The following LONRF1 variants were observed in gnomAD, a reference collection of about 807,000 sequenced individuals.
LONRF1 encodes LON peptidase N-terminal domain and RING finger protein 1.
In LONRF1, 37 loss-of-function variants were observed where a neutral mutation model predicts 85.8. The observed-to-expected ratio is 0.43, with a 90% CI of 0.33 to 0.57. LONRF1 has a LOEUF of 0.57. Among genes scored for constraint, LONRF1 ranks in the 20% least tolerant of loss-of-function variants. The pLI is 0.04. For synonymous variants in LONRF1, 517 were observed against 390.1 expected (o/e 1.33, Z -3.83); for missense variants, 1,036 against 978.0 (o/e 1.06, Z -0.79).
chr8:12,740,749 C>G, intron 3 of LONRF1, 125 bp downstream of exon 3: 6 of 1,213,570 alleles, frequency 4.9e-6, no homozygotes, highest in Non-Finnish European at 6.8e-6. Context: ...CAAATTATCA[C>G]ATTTGTTCCT....
chr8:12,737,319 G>C (rs745577527), intron 4 of LONRF1, 179 bp from the exon 5 acceptor site: 1 of 777,412 alleles, frequency 1.3e-6, no homozygotes. Flanking sequence ...AGCACAGTTG[G>C]CCCTCCGTAT....
intron 1 of LONRF1, among the ~76,000 whole-genome samples, chr8:12,750,334 A>C (rs1799330259): frequency 6.6e-6 from 1 of 152,206 alleles, no homozygotes; most frequent in South Asian, 2.1e-4. Flanking sequence ...CCTTTACCCA[A>C]GGGGGATACG....
rs1255907976 is a variant in LONRF1 at position 12,754,923 on chromosome 8, G to A, written c.498C>T (p.Thr166=). 2.7e-6 allele frequency: 4 copies of A among 1,490,294 alleles called. No homozygotes were observed. The highest frequency in any genetic ancestry group is 1.5e-5 in the African/African-American group (1 of 68,426). 92.3% of individuals were successfully genotyped at this position (1,490,294 alleles called of 1,614,324 possible). Residue 166 remains threonine (T), a synonymous_variant, in exon 1 of 12, where the codon ACC becomes ACT. Transcript: ENST00000398246. Reference sequence around the variant, plus strand: ...TCCCTTCAGCATCAGTGGCACTGGCGGTGGCGGGCGGCAGCCGGTCCCGGC... The same window carrying A: ...TCCCTTCAGCATCAGTGGCACTGGCAGTGGCGGGCGGCAGCCGGTCCCGGC... ...RLCRDRLPPA[T]ASATDAEGTA...
Position 12,755,120 on chromosome 8 carries a change from G to A in LONRF1, c.301C>T (p.His101Tyr). 1 of 1,458,332 alleles carries A rather than the reference G, an allele frequency of 6.9e-7. No homozygotes were observed. Among genetic ancestry groups the A allele is most frequent in the Non-Finnish European group, 9.0e-7 (1 of 1,109,658 alleles). The allele number at this position is 1,458,332 out of a possible 1,614,324, so 90.3% of individuals were successfully genotyped here. ...DCLVFNYRLRHGLGWSAAPVA... is the reference protein window; with the variant it reads ...DCLVFNYRLRYGLGWSAAPVA... ...GGGGCCGCGCTCCAGCCCAGCCCGT[G>A]GCGGAGCCGGTAGTTGAACACCAGG... The change falls in exon 1 of 12, where the codon CAC becomes TAC. Residue 101 changes from histidine (H) to tyrosine (Y), a missense_variant. His to Tyr is a moderately conservative substitution (Grantham distance 83, BLOSUM62 2). Around this residue, in one of 3 missense-constraint regions of LONRF1, gnomAD observed 742 missense variants for 614.4 expected, o/e 1.21. Transcript: ENST00000398246.
At chr8:12,727,596 CAT>C (rs1325677075) in intron 10 of LONRF1, among the ~76,000 whole-genome samples, 25 of 152,052 alleles carry the variant, frequency 1.6e-4, no homozygotes, top group Admixed American at 1.6e-3. Context: ...AGTATTAATA[CAT>C]ATAGTCATGT....
At chr8:12,741,694 T>C (rs1438314508) in intron 2 of LONRF1, among the ~76,000 whole-genome samples, 1 of 152,154 alleles carries the variant, frequency 6.6e-6, no homozygotes, top group Non-Finnish European at 1.5e-5. Context: ...GTGAAAAAAA[T>C]TTTGTCTTAG....
At chr8:12,750,495 C>A (rs972798920) in intron 1 of LONRF1, among the ~76,000 whole-genome samples, 2 of 152,140 alleles carry the variant, frequency 1.3e-5, no homozygotes, top group Non-Finnish European at 2.9e-5. Context: ...TAACAATATG[C>A]TGTGATAAAA....
intron 8 of LONRF1, among the ~76,000 whole-genome samples, chr8:12,730,301 CTATT>C (rs1193071317): frequency 6.6e-6 from 1 of 152,150 alleles, no homozygotes; most frequent in Non-Finnish European, 1.5e-5. Context: ...TGTTTAAAGC[CTATT>C]TATACATACT....
chr8:12,734,140 C>T (rs926148266), intron 7 of LONRF1, among the ~76,000 whole-genome samples: 2 of 152,258 alleles, frequency 1.3e-5, no homozygotes, highest in African/African-American at 4.8e-5. Context: ...AGCATGTTTA[C>T]AGTACTTCAT....
intron 1 of LONRF1, among the ~76,000 whole-genome samples, chr8:12,752,005 G>A (rs1204158109): frequency 6.6e-6 from 1 of 152,166 alleles, no homozygotes; most frequent in Non-Finnish European, 1.5e-5. Context: ...TAATCTAAAT[G>A]GGAAACTTCT....
chr8:12,746,488 C>G (rs960971173), intron 1 of LONRF1, among the ~76,000 whole-genome samples: 2 of 152,314 alleles, frequency 1.3e-5, no homozygotes, highest in Non-Finnish European at 2.9e-5. Flanking sequence ...AGTCTCCTCC[C>G]AAGATGCTTT....
intron 1 of LONRF1, chr8:12,753,943 G>A (rs186783648): frequency 6.6e-6 from 1 of 152,366 alleles, no homozygotes; most frequent in Non-Finnish European, 1.5e-5. Context: ...AAGTACATAG[G>A]AAATAAGCAG....
chr8:12,732,929 G>C (rs1798582383), intron 7 of LONRF1, among the ~76,000 whole-genome samples: 1 of 152,226 alleles, frequency 6.6e-6, no homozygotes, highest in South Asian at 2.1e-4. Flanking sequence ...TCTGCAGTCA[G>C]TAAAAGCAAG....
rs767386108 is a variant in LONRF1, at chr8:12,736,902, CCTT to C, written c.1349_1351del (p.Gln450_Gly451delinsArg). 17 of 1,604,978 alleles carry C rather than the reference CCTT, an allele frequency of 1.1e-5. No homozygotes were observed. The highest frequency in any genetic ancestry group is 6.7e-5 in the African/African-American group (5 of 74,338). ...TAAGTGTAGAGCAAAATTTTTACCTCCTTGTTTTTTCAGCTTATTTCTTCCATC... is the reference window on the plus strand; with the variant it reads ...TAAGTGTAGAGCAAAATTTTTACCTCGTTTTTTCAGCTTATTTCTTCCATC... On this transcript the variant is annotated inframe_deletion, in exon 5 of 12. Transcript: ENST00000398246.
chr8:12,735,202 C>A (rs945442613), intron 7 of LONRF1, 84 bp downstream of exon 7: 1 of 833,878 alleles, frequency 1.2e-6, no homozygotes, highest in Admixed American at 2.2e-5. Flanking sequence ...TGAACGTGAT[C>A]ATCACTATTT....
chr8:12,736,027 G>C (rs371688981), intron 6 of LONRF1, among the ~76,000 whole-genome samples: 2 of 152,118 alleles, frequency 1.3e-5, no homozygotes, highest in Admixed American at 1.3e-4. Context: ...AATAGATTTA[G>C]AGGTACTTTA....
intron 7 of LONRF1, among the ~76,000 whole-genome samples, 183 bp downstream of exon 7, chr8:12,735,103 A>G (rs1798668745): frequency 2.0e-5 from 3 of 152,090 alleles, no homozygotes; most frequent in East Asian, 3.9e-4. Context: ...CTTTCTCCCC[A>G]TCCTCTTCAA....
rs779767965 is a variant in LONRF1, at chr8:12,731,793, G to A, written c.1631C>T (p.Pro544Leu). Residue 544 changes from proline (P) to leucine (L), a missense_variant, in exon 8 of 12, where the codon CCT becomes CTT. Physicochemically the swap from Pro to Leu is moderately conservative, Grantham distance 98 (BLOSUM62 -3). Transcript: ENST00000398246. ...LLEELIVKYL[P>L]DELSERKKIY... Reference sequence around the variant, plus strand: ...TTTTTTTCTCTCAGACAGTTCATCAGGCAGATACTTCACTATTAATTCTTC... The same window carrying A: ...TTTTTTTCTCTCAGACAGTTCATCAAGCAGATACTTCACTATTAATTCTTC... 6.2e-7 allele frequency: 1 copy of A among 1,612,442 alleles called. No individual in the cohort carries two copies. Among genetic ancestry groups the A allele is most frequent in the Admixed American group, 1.7e-5 (1 of 59,966 alleles).
chr8:12,755,524 G>A lies in LONRF1; in HGVS notation c.-104C>T, dbSNP rs1585271352. On this transcript the variant is annotated 5_prime_UTR_variant, in exon 1 of 12. Coordinates refer to ENST00000398246, the MANE Select transcript of LONRF1 (RefSeq NM_152271.5). ...CGCGAGCAGGGGGGCGTGGCGCGCG[G>A]ACACGGCGGGGCTGCGCGCGCCCGG... 1 of 480,452 alleles carries A rather than the reference G, an allele frequency of 2.1e-6. No individual in the cohort carries two copies. 29.8% of individuals were successfully genotyped at this position (480,452 alleles called of 1,614,324 possible).
Sources: gnomAD v4.1 joint callset for allele counts (sites outside exome capture counted in the v4.1 genomes callset) on GRCh38, gnomAD v4.1.1 for gene constraint, gnomAD v4.1.1 regional missense constraint, MANE v1.5 for transcripts, NCBI Gene and HGNC (gene_info 2026-07-23, HGNC 2026-07-21) for gene names.